XRCC4: variants seen among roughly 807,000 people sequenced by gnomAD.
XRCC4 encodes the protein X-ray repair cross complementing 4, also known as DNA repair protein XRCC4.
Under a neutral mutation model 39.1 loss-of-function variants are expected in XRCC4, and 28 were observed. That is an observed-to-expected ratio of 0.72 (90% CI 0.53 to 0.98). The LOEUF (loss-of-function observed/expected upper bound fraction) is 0.98. Among genes scored for constraint, XRCC4 ranks in the 50% least tolerant of loss-of-function variants. The pLI is 0.00. For missense variants in XRCC4, 350 were observed against 376.4 expected (o/e 0.93, Z 0.58); for synonymous variants, 123 against 126.4 (o/e 0.97, Z 0.18).
At chr5:83,144,947 G>A (rs1280618711) in intron 3 of XRCC4, among the ~76,000 whole-genome samples, 5 of 152,258 alleles carry the variant, frequency 3.3e-5, no homozygotes, top group South Asian at 4.1e-4. Flanking sequence ...CCAGGCTGGA[G>A]TGCAGTGGTG....
chr5:83,237,943 A>G lies in XRCC4; in HGVS notation c.746-20587A>G, dbSNP rs111404500. ...ATTTTCAAAAAAATTTAAATAAAAT[A>G]TGGTGATAGTATTCATTCCAGTAAT... On this transcript the variant is annotated intron_variant, in intron 6 of 7. Coordinates refer to ENST00000396027, the MANE Select transcript of XRCC4 (RefSeq NM_003401.5). 6.0e-3 allele frequency among the ~76,000 whole-genome samples: 910 copies of G among 152,280 alleles called. 12 individuals are homozygous for G. Among genetic ancestry groups the G allele is most frequent in the African/African-American group, 0.021 (867 of 41,564 alleles).
At chr5:83,287,097 GAC>G (rs1328578957) in intron 7 of XRCC4, among the ~76,000 whole-genome samples, 1 of 152,010 alleles carries the variant, frequency 6.6e-6, no homozygotes, top group Non-Finnish European at 1.5e-5. Context: ...TCAGTATAAT[GAC>G]ACAGAGTTTT....
At chr5:83,166,896 T>G (rs955837630) in intron 3 of XRCC4, among the ~76,000 whole-genome samples, 1 of 152,010 alleles carries the variant, frequency 6.6e-6, no homozygotes, top group African/African-American at 2.4e-5. Context: ...TTTGTTTTTT[T>G]TTTGAGACGG....
At chr5:83,205,880 G>T (rs891967332) in intron 6 of XRCC4, among the ~76,000 whole-genome samples, 5 of 151,920 alleles carry the variant, frequency 3.3e-5, no homozygotes, top group African/African-American at 1.2e-4. Flanking sequence ...AGGTGAAGGT[G>T]ACATGCTGTC....
chr5:83,148,082 T>C (rs962048628), intron 3 of XRCC4, among the ~76,000 whole-genome samples: 9 of 152,196 alleles, frequency 5.9e-5, no homozygotes, highest in African/African-American at 2.2e-4. Flanking sequence ...GTGATAAATC[T>C]ATCAACTAAC....
chr5:83,237,931 TTTAAA>T (rs933646364), intron 6 of XRCC4, among the ~76,000 whole-genome samples: 17 of 152,142 alleles, frequency 1.1e-4, no homozygotes, highest in Admixed American at 5.2e-4. Context: ...TTCAAAAAAA[TTTAAA>T]TAAAATATGG....
At chr5:83,113,604 G>T (rs1746552531) in intron 3 of XRCC4, among the ~76,000 whole-genome samples, 1 of 151,880 alleles carries the variant, frequency 6.6e-6, no homozygotes, top group Non-Finnish European at 1.5e-5. Flanking sequence ...CTTCTGCCTG[G>T]ACATCCAAAC....
chr5:83,154,163 C>T (rs564231488), intron 3 of XRCC4, among the ~76,000 whole-genome samples: 10 of 152,114 alleles, frequency 6.6e-5, no homozygotes, highest in African/African-American at 1.4e-4. Flanking sequence ...TACAAATGCA[C>T]GTCCCTTGGA....
At chr5:83,091,411 G>T (rs375415075) in intron 1 of XRCC4, among the ~76,000 whole-genome samples, 1 of 152,090 alleles carries the variant, frequency 6.6e-6, no homozygotes, top group Admixed American at 6.5e-5. Flanking sequence ...GGGGGAAGTC[G>T]TCCCTGTGAT....
chr5:83,195,430 T>G (rs1034372310), intron 3 of XRCC4, among the ~76,000 whole-genome samples: 8 of 152,160 alleles, frequency 5.3e-5, no homozygotes, highest in Admixed American at 2.6e-4. Context: ...TATAATTCCT[T>G]TTCTTATTCT....
Position 83,146,351 on chromosome 5 carries a change from A to G in XRCC4, c.315+35148A>G, listed in dbSNP as rs192110330. 8.6e-4 allele frequency among the ~76,000 whole-genome samples: 131 copies of G among 152,342 alleles called. No individual in the cohort carries two copies. In the Middle Eastern group the frequency reaches 0.01, roughly 12 times the overall value. ...AATTGGAAAAGTCAGGGAAAAAACA[A>G]GTAATAAGCCCAGGTCATGCATTGG... On this transcript the variant is annotated intron_variant, in intron 3 of 7. Transcript: ENST00000396027.
intron 6 of XRCC4, among the ~76,000 whole-genome samples, chr5:83,246,244 T>C (rs1297310424): frequency 1.3e-5 from 2 of 152,120 alleles, no homozygotes; most frequent in Non-Finnish European, 2.9e-5. Context: ...TAACCTCCCT[T>C]GTGTAACTGT....
chr5:83,167,527 C>T (rs1010149890), intron 3 of XRCC4, among the ~76,000 whole-genome samples: 9 of 152,136 alleles, frequency 5.9e-5, no homozygotes, highest in African/African-American at 2.2e-4. Flanking sequence ...AGTTATGCTG[C>T]ACTGGCCAGG....
downstream of XRCC4, among the ~76,000 whole-genome samples, chr5:83,354,463 A>G (rs938153591): frequency 6.6e-6 from 1 of 152,188 alleles, no homozygotes; most frequent in South Asian, 2.1e-4. Flanking sequence ...CAAATTTTAT[A>G]TGTACATACA....
intron 6 of XRCC4, among the ~76,000 whole-genome samples, chr5:83,217,888 T>G (rs759467896): frequency 9.9e-5 from 15 of 152,140 alleles, no homozygotes; most frequent in Admixed American, 2.0e-4. Flanking sequence ...GGTTGCATTT[T>G]TGCTGTTTTG....
chr5:83,278,226 A>G (rs6860064), intron 7 of XRCC4, among the ~76,000 whole-genome samples: 6,313 of 152,292 alleles, frequency 0.041, 427 homozygotes, highest in African/African-American at 0.14. Flanking sequence ...TGTACTAACC[A>G]GATTGAAGCG....
chr5:83,120,909 A>G (rs1045576931), intron 3 of XRCC4, among the ~76,000 whole-genome samples: 1 of 152,078 alleles, frequency 6.6e-6, no homozygotes, highest in South Asian at 2.1e-4. Context: ...AACCTGCCCA[A>G]ATTTTTTAGT....
At chr5:83,308,126 A>G (rs1201897056) in intron 7 of XRCC4, among the ~76,000 whole-genome samples, 1 of 152,148 alleles carries the variant, frequency 6.6e-6, no homozygotes, top group African/African-American at 2.4e-5. Flanking sequence ...GGGCAGTTCA[A>G]CTTTTTACTG....
At chr5:83,233,254 T>A (rs1366525861) in intron 6 of XRCC4, among the ~76,000 whole-genome samples, 1 of 152,144 alleles carries the variant, frequency 6.6e-6, no homozygotes, top group Non-Finnish European at 1.5e-5. Context: ...AAATCCTACT[T>A]ATTTCTCCAG....
Sources: gnomAD v4.1 joint callset for allele counts (sites outside exome capture counted in the v4.1 genomes callset) on GRCh38, gnomAD v4.1.1 for gene constraint, MANE v1.5 for transcripts, NCBI Gene and HGNC (gene_info 2026-07-23, HGNC 2026-07-21) for gene names.